CYREN: variants seen among roughly 807,000 people sequenced by gnomAD.
CYREN encodes cell cycle regulator of non-homologous end joining.
Under a neutral mutation model 9.7 loss-of-function variants are expected in CYREN, and 7 were observed. The observed-to-expected ratio is 0.72, with a 90% CI of 0.41 to 1.36. The LOEUF is 1.36. CYREN is among the 40% of genes most tolerant of loss of function. The pLI is 0.01. For missense variants in CYREN, 215 were observed against 198.1 expected, an observed-to-expected ratio of 1.09 and a Z score of -0.51; for synonymous variants, 76 against 77.9, an observed-to-expected ratio of 0.98 and a Z score of 0.13.
At chr7:135,113,500 G>A (rs2117164565) in intron 2 of CYREN, among the ~76,000 whole-genome samples, 1 of 152,108 alleles carries the variant, frequency 6.6e-6, no homozygotes, top group South Asian at 2.1e-4. Flanking sequence ...TGTATTTCTT[G>A]CTTTTATTCT....
In CYREN at chr7:135,130,262, T is replaced by C. The variant is rs542542797; in HGVS notation, n.357-35680A>G. ...ACTGACTGGATGGTCCAGTGTCATTTTGACCTGCTTTTCAGAATGGAAATT... is the reference window on the plus strand; with the variant it reads ...ACTGACTGGATGGTCCAGTGTCATTCTGACCTGCTTTTCAGAATGGAAATT... On this transcript the variant is annotated intron_variant and non_coding_transcript_variant, in intron 2 of 2. Transcript: ENST00000459937. Among the ~76,000 whole-genome samples, 3 of 152,358 alleles carry C rather than the reference T, an allele frequency of 2.0e-5. No homozygotes were observed. In the East Asian group the frequency reaches 5.8e-4, roughly 29 times the overall value.
chr7:135,138,967 A>G (rs1326173259), intron 2 of CYREN, among the ~76,000 whole-genome samples: 1 of 152,048 alleles, frequency 6.6e-6, no homozygotes, highest in Non-Finnish European at 1.5e-5. Flanking sequence ...GTATATGTGT[A>G]CCACATTTTC....
intron 2 of CYREN, among the ~76,000 whole-genome samples, chr7:135,104,096 T>G (rs1170456383): frequency 6.6e-6 from 1 of 152,110 alleles, no homozygotes; most frequent in Non-Finnish European, 1.5e-5. Context: ...GGCCCCAGTG[T>G]CTGTTGTTCC....
chr7:135,115,156 A>C (rs1826147930), intron 2 of CYREN, among the ~76,000 whole-genome samples: 1 of 152,142 alleles, frequency 6.6e-6, no homozygotes, highest in African/African-American at 2.4e-5. Flanking sequence ...TCAACCCCTC[A>C]AGAATTCTCT....
exon 3 of CYREN, chr7:135,093,988 G>C (rs1441602079): frequency 5.8e-6 from 1 of 171,396 alleles, no homozygotes; most frequent in African/African-American, 2.4e-5. Context: ...AGGACAATTG[G>C]ATGGGGAAAA....
chr7:135,095,437 G>C (rs1822520088), intron 2 of CYREN, among the ~76,000 whole-genome samples: 1 of 152,120 alleles, frequency 6.6e-6, no homozygotes, highest in South Asian at 2.1e-4. Flanking sequence ...TATCCTAGAG[G>C]AATTCCAAGC....
Position 135,166,849 on chromosome 7 carries a change from C to A in CYREN, c.236G>T (p.Cys79Phe). 6.2e-7 allele frequency: 1 copy of A among 1,613,924 alleles called. No individual in the cohort carries two copies. Among genetic ancestry groups the A allele is most frequent in the Non-Finnish European group, 8.5e-7 (1 of 1,179,854 alleles). Residue 79 changes from cysteine to phenylalanine, a missense_variant, in exon 4 of 4, where the codon TGC (cysteine) becomes TTC (phenylalanine). Coordinates refer to ENST00000393114, the MANE Select transcript of CYREN (RefSeq NM_024033.4). Reference sequence around the variant, plus strand: ...AGCCCCCGCCAGGGCCGGCTGCTCGCAGGCCTTTTCCTGTTTGCGGCTCTG... The same window carrying A: ...AGCCCCCGCCAGGGCCGGCTGCTCGAAGGCCTTTTCCTGTTTGCGGCTCTG... ...LIESRKQEKA[C>F]EQPALAGADN...
intron 2 of CYREN, among the ~76,000 whole-genome samples, chr7:135,131,031 TG>T (rs1828684652): frequency 6.6e-6 from 1 of 152,136 alleles, no homozygotes; most frequent in Non-Finnish European, 1.5e-5. Flanking sequence ...CTGTTTTAGG[TG>T]TGTGTGTCCA....
intron 2 of CYREN, 185 bp downstream of exon 2, chr7:135,168,601 C>T (rs1002645291): frequency 2.3e-6 from 2 of 867,314 alleles, no homozygotes; most frequent in African/African-American, 1.7e-5. Flanking sequence ...TGCCTGTCCT[C>T]GAGGGTTAAC....
At chr7:135,155,218 A>G (rs1485563295) in intron 2 of CYREN, among the ~76,000 whole-genome samples, 1 of 152,038 alleles carries the variant, frequency 6.6e-6, no homozygotes, top group Non-Finnish European at 1.5e-5. Flanking sequence ...TTTTCAGTCT[A>G]TATGTCTTTA....
chr7:135,104,417 T>C (rs1666033764), intron 2 of CYREN, among the ~76,000 whole-genome samples: 1 of 152,174 alleles, frequency 6.6e-6, no homozygotes. Flanking sequence ...TATGATAAAA[T>C]GATTTATATT....
At chr7:135,143,862 A>G (rs1430639763) in intron 2 of CYREN, among the ~76,000 whole-genome samples, 1 of 152,180 alleles carries the variant, frequency 6.6e-6, no homozygotes, top group East Asian at 1.9e-4. Flanking sequence ...AATTCCTGTA[A>G]GAAAAGTGAG....
intron 2 of CYREN, chr7:135,135,905 C>T (rs1273003971): frequency 1.3e-5 from 2 of 152,038 alleles, no homozygotes. Context: ...TTAAAATAAT[C>T]ATTTTATTTC....
chr7:135,157,303 C>T (rs934005922), intron 2 of CYREN, among the ~76,000 whole-genome samples: 5 of 152,172 alleles, frequency 3.3e-5, no homozygotes, highest in African/African-American at 1.2e-4. Flanking sequence ...TGCCTGCAGT[C>T]GTGTGATCTT....
chr7:135,098,462 T>A (rs909411211), intron 2 of CYREN, among the ~76,000 whole-genome samples: 4 of 152,222 alleles, frequency 2.6e-5, no homozygotes, highest in African/African-American at 9.6e-5. Flanking sequence ...TTGGTACAGA[T>A]GCATTTTTTT....
chr7:135,166,870 C>T lies in CYREN; in HGVS notation c.215G>A (p.Ser72Asn), dbSNP rs376025559. 1.9e-5 allele frequency: 31 copies of T among 1,612,450 alleles called. No individual in the cohort carries two copies. Among genetic ancestry groups the T allele is most frequent in the South Asian group, 1.1e-5 (1 of 91,034 alleles). The change falls in exon 4 of 4, where the codon AGC becomes AAC. Residue 72 changes from serine to asparagine, a missense_variant and splice_region_variant. Ser to Asn is a conservative substitution (Grantham distance 46, BLOSUM62 1). Coordinates refer to ENST00000393114, the MANE Select transcript of CYREN (RefSeq NM_024033.4). ...VDVALGILIE[S>N]RKQEKACEQP... Reference sequence around the variant, plus strand: ...CTCGCAGGCCTTTTCCTGTTTGCGGCTCTGTGGAGTACGGGAAAACGCAGG... The same window carrying T: ...CTCGCAGGCCTTTTCCTGTTTGCGGTTCTGTGGAGTACGGGAAAACGCAGG...
At chr7:135,164,587 T>G (rs779764109), downstream of CYREN, 7 of 1,614,208 alleles carry the variant, frequency 4.3e-6, no homozygotes, top group South Asian at 5.5e-5. Flanking sequence ...AGAATCGGCT[T>G]CTATAACTTC....
intron 2 of CYREN, among the ~76,000 whole-genome samples, chr7:135,155,156 C>A (rs1244165428): frequency 6.6e-6 from 1 of 152,112 alleles, no homozygotes; most frequent in African/African-American, 2.4e-5. Flanking sequence ...TATAGCTATG[C>A]CTGCTTGCTT....
At position 135,111,090 on chromosome 7, in the gene CYREN, T is replaced by C. The variant is rs141046517; in HGVS notation, n.357-16508A>G. On this transcript the variant is annotated intron_variant and non_coding_transcript_variant, in intron 2 of 2. Transcript: ENST00000459937. ...CTTTACCCTCAGTAGATGACCTAAC[T>C]TCTTACTTCACATATAAAACAGAAA... Among the ~76,000 whole-genome samples the C allele has an allele frequency of 1.3e-3, 198 of 152,296 alleles. 3 individuals are homozygous for C. The highest frequency in any genetic ancestry group is 4.7e-3 in the African/African-American group (196 of 41,570).
Sources: allele counts gnomAD v4.1 joint callset (sites outside exome capture counted in the v4.1 genomes callset), GRCh38; gene constraint gnomAD v4.1.1; transcripts MANE v1.5; gene names NCBI Gene and HGNC (gene_info 2026-07-23, HGNC 2026-07-21).